PSG3: variants seen among roughly 807,000 people sequenced by gnomAD.
PSG3 encodes pregnancy specific beta-1-glycoprotein 3.
Under a neutral mutation model 47.5 loss-of-function variants are expected in PSG3, and 61 were observed. The ratio of observed to expected loss-of-function variants is 1.28; its 90% CI spans 1.05 to 1.59. PSG3 has a LOEUF of 1.59. Among genes scored for constraint, PSG3 ranks in the 40% most tolerant of loss-of-function variants. The pLI, the probability that PSG3 is intolerant of heterozygous loss-of-function variation, is 0.00. For missense variants in PSG3, 756 were observed against 524.0 expected (o/e 1.44, Z -4.32); for synonymous variants, 263 against 198.4 (o/e 1.33, Z -2.74).
rs188987120 is a variant in PSG3 at position 42,740,351 on chromosome 19, G to T, written c.34C>A (p.Arg12Ser). 8.1e-6 allele frequency: 13 copies of T among 1,613,846 alleles called. No individual in the cohort carries two copies. Among genetic ancestry groups the T allele is most frequent in the African/African-American group, 2.7e-5 (2 of 74,912 alleles). The change falls in exon 1 of 7, where the codon CGC becomes AGC. Residue 12 changes from arginine to serine, a missense_variant. By Grantham distance (110) the Arg-to-Ser change is moderately radical. Transcript: ENST00000327495. ...GPLSAPPCTQ[R>S]ITWKGLLLTA... Reference sequence around the variant, plus strand: ...AGCAGGAGCCCCTTCCAGGTGATGCGCTGTGTGCAGGGAGGGGCTGAGAGG... The same window carrying T: ...AGCAGGAGCCCCTTCCAGGTGATGCTCTGTGTGCAGGGAGGGGCTGAGAGG...
In PSG3 at chr19:42,736,921, T is replaced by A. The variant is rs188998275; in HGVS notation, c.430+1803A>T. On this transcript the variant is annotated intron_variant, in intron 2 of 6. Transcript: ENST00000327495. Reference sequence around the variant, plus strand: ...GCCACAGTGTTAGCGGGAAGGGAACTGAACAGTCAGCCTAGTTAGAGGGAG... The same window carrying A: ...GCCACAGTGTTAGCGGGAAGGGAACAGAACAGTCAGCCTAGTTAGAGGGAG... Among the ~76,000 whole-genome samples the A allele has an allele frequency of 1.3e-4, 20 of 152,184 alleles. No individual in the cohort carries two copies. The East Asian group carries it at 3.5e-3, about 26-fold the overall frequency.
At chr19:42,735,793 G>A (rs1410269142) in intron 2 of PSG3, among the ~76,000 whole-genome samples, 1 of 152,232 alleles carries the variant, frequency 6.6e-6, no homozygotes, top group African/African-American at 2.4e-5. Flanking sequence ...GAAGTGACCG[G>A]AGAATGTGAG....
chr19:42,735,085 C>T (rs747508249), intron 2 of PSG3, among the ~76,000 whole-genome samples: 3 of 152,236 alleles, frequency 2.0e-5, no homozygotes, highest in Non-Finnish European at 2.9e-5. Flanking sequence ...TAGCACCCAC[C>T]TGGCCACCTC....
rs1326425907 is a variant in PSG3 at position 42,732,816 on chromosome 19, C to A, written c.677G>T (p.Ser226Ile). The A allele has an allele frequency of 6.2e-7, 1 of 1,614,170 alleles. No homozygotes were observed. Among genetic ancestry groups the A allele is most frequent in the East Asian group, 2.2e-5 (1 of 44,886 alleles). ...ATTCAGGGTGACTGGGTCACTGCGG[C>A]TGGCACTCACTGGGTTCCGTATTTC... ...ECEIRNPVSASRSDPVTLNLL... is the reference protein window; with the variant it reads ...ECEIRNPVSAIRSDPVTLNLL... Residue 226 changes from serine to isoleucine, a missense_variant, in exon 3 of 7, where the codon AGC becomes ATC. Coordinates refer to ENST00000327495, the MANE Select transcript of PSG3 (RefSeq NM_021016.4).
chr19:42,731,350 C>A (rs113727323), intron 3 of PSG3, among the ~76,000 whole-genome samples: 9,577 of 152,208 alleles, frequency 0.063, 299 homozygotes, highest in Middle Eastern at 0.12. Flanking sequence ...CTTCAGTGAG[C>A]ATTTCTTTTC....
chr19:42,740,184 T>C, intron 1 of PSG3, 137 bp downstream of exon 1: 1 of 1,544,718 alleles, frequency 6.5e-7, no homozygotes, highest in Non-Finnish European at 8.8e-7. Flanking sequence ...GAACTCCTGA[T>C]CTCGTGATCC....
chr19:42,734,726 G>A lies in PSG3; in HGVS notation c.431-1664C>T, dbSNP rs138715621. ...CAACTCCTTAAGTAGAGAGAGTCCCGTTAAAAGGACAGAACTGGTTAGTGT... is the reference window on the plus strand; with the variant it reads ...CAACTCCTTAAGTAGAGAGAGTCCCATTAAAAGGACAGAACTGGTTAGTGT... On this transcript the variant is annotated intron_variant, in intron 2 of 6. Transcript: ENST00000327495. 3.7e-3 allele frequency among the ~76,000 whole-genome samples: 571 copies of A among 152,288 alleles called. 6 individuals carry two copies. Among genetic ancestry groups the A allele is most frequent in the Admixed American group, 0.024 (370 of 15,298 alleles).
At chr19:42,723,695 T>C (rs1261156475) in intron 6 of PSG3, among the ~76,000 whole-genome samples, 3 of 152,240 alleles carry the variant, frequency 2.0e-5, no homozygotes, top group Non-Finnish European at 2.9e-5. Flanking sequence ...AATTGTGTTT[T>C]TCATTTGAAT....
In PSG3 at chr19:42,729,285, G is replaced by A; in HGVS notation, c.1081C>T (p.Pro361Ser). 6.2e-7 allele frequency: 1 copy of A among 1,614,142 alleles called. No homozygotes were observed. The highest frequency in any genetic ancestry group is 1.7e-5 in the Admixed American group (1 of 60,022). The change falls in exon 5 of 7, where the codon CCA becomes TCA. Residue 361 changes from proline (P) to serine (S), a missense_variant. Pro to Ser is a moderately conservative substitution (Grantham distance 74). Coordinates refer to ENST00000327495, the MANE Select transcript of PSG3 (RefSeq NM_021016.4). Reference protein sequence around the residue: ...YLSCFADSNPPAEYSWTINGK... With the variant: ...YLSCFADSNPSAEYSWTINGK... ...TTAATTGTCCAAGAATATTCTGCTG[G>A]TGGGTTAGAGTCCGCGAAGCAGGAC...
At chr19:42,732,762 C>G in intron 3 of PSG3, 22 bp downstream of exon 3, 1 of 1,614,150 alleles carries the variant, frequency 6.2e-7, no homozygotes, top group Admixed American at 1.7e-5. Flanking sequence ...GACTGGCTCA[C>G]AGAGGAACAG....
chr19:42,737,648 G>A lies in PSG3; in HGVS notation c.430+1076C>T, dbSNP rs1467376174. Among the ~76,000 whole-genome samples, 4 of 152,152 alleles carry A rather than the reference G, an allele frequency of 2.6e-5. No individual in the cohort carries two copies. The East Asian group carries it at 7.7e-4, about 29-fold the overall frequency. On this transcript the variant is annotated intron_variant, in intron 2 of 6. Transcript: ENST00000327495. ...TGAGGTTTGGATGCCTAAGAAGAGA[G>A]GATTTGAGCCAATAAATGACTATAG...
chr19:42,733,230 G>C (rs1218746345), intron 2 of PSG3, among the ~76,000 whole-genome samples, 168 bp from the exon 3 acceptor site: 1 of 152,100 alleles, frequency 6.6e-6, no homozygotes, highest in African/African-American at 2.4e-5. Flanking sequence ...TGAGGGCTCA[G>C]AGATTGTGAG....
intron 5 of PSG3, among the ~76,000 whole-genome samples, chr19:42,726,097 T>C (rs1253988964): frequency 6.6e-6 from 1 of 152,018 alleles, no homozygotes; most frequent in Non-Finnish European, 1.5e-5. Context: ...TTGATGAAAT[T>C]CAATATTTTT....
At chr19:42,731,739 T>C (rs1412107269) in intron 3 of PSG3, among the ~76,000 whole-genome samples, 1 of 151,740 alleles carries the variant, frequency 6.6e-6, no homozygotes, top group Non-Finnish European at 1.5e-5. Flanking sequence ...ACAATATTGA[T>C]TCCTCCAATC....
At chr19:42,739,784 T>C (rs1969637650) in intron 1 of PSG3, among the ~76,000 whole-genome samples, 1 of 152,350 alleles carries the variant, frequency 6.6e-6, no homozygotes, top group Admixed American at 6.5e-5. Context: ...TTTTTCAAAA[T>C]GTGGTGGCCC....
Position 42,729,333 on chromosome 19 carries a change from G to T in PSG3, c.1033C>A (p.His345Asn). ...PRIYPSFTYY[H>N]SGENLYLSCF... ...GACAAGTAGAGGTTTTCTCCTGAAT[G>T]GTAATAGGTGAATGAAGGGTAAATT... Residue 345 changes from histidine (H) to asparagine (N), a missense_variant, in exon 5 of 7, where the codon CAT (histidine) becomes AAT (asparagine). His to Asn is a moderately conservative substitution (Grantham distance 68, BLOSUM62 1). Transcript: ENST00000327495. 1 of 1,614,126 alleles carries T rather than the reference G, an allele frequency of 6.2e-7. No individual in the cohort carries two copies. Among genetic ancestry groups the T allele is most frequent in the Non-Finnish European group, 8.5e-7 (1 of 1,179,976 alleles).
chr19:42,729,209 G>C lies in PSG3; in HGVS notation c.1157C>G (p.Thr386Arg), dbSNP rs746493841. The C allele has an allele frequency of 6.2e-6, 10 of 1,613,894 alleles. No homozygotes were observed. The highest frequency in any genetic ancestry group is 1.1e-5 in the South Asian group (1 of 91,086). ...GCAAGCATAGAGCCCGCTATGCTTT[G>C]TAGTAATCTGGGGGATAAAGAGCTT... The part of the protein sequence containing the change: ...GQKLFIPQIT[T>R]KHSGLYACSV... The change falls in exon 5 of 7, where the codon ACA becomes AGA. Residue 386 changes from threonine (T) to arginine (R), a missense_variant. Physicochemically the swap from Thr to Arg is moderately conservative, Grantham distance 71 (BLOSUM62 -1). Coordinates refer to ENST00000327495, the MANE Select transcript of PSG3 (RefSeq NM_021016.4).
chr19:42,734,293 T>G (rs1034047534), intron 2 of PSG3: 3 of 152,228 alleles, frequency 2.0e-5, no homozygotes, highest in Admixed American at 2.0e-4. Flanking sequence ...TTACAGTACA[T>G]GTACTGGTTT....
At position 42,724,043 on chromosome 19, in the gene PSG3, G is replaced by T. The variant is rs770433054; in HGVS notation, c.1244-18C>A. 3.7e-6 allele frequency: 6 copies of T among 1,604,096 alleles called. No homozygotes were observed. Among genetic ancestry groups the T allele is most frequent in the Non-Finnish European group, 5.1e-6 (6 of 1,171,108 alleles). Reference sequence around the variant, plus strand: ...TGAAGGAGCTGTCATGGAAAAAAAAGAAAAGAAGGAATGAAGATGATGTTA... The same window carrying T: ...TGAAGGAGCTGTCATGGAAAAAAAATAAAAGAAGGAATGAAGATGATGTTA... On this transcript the variant is annotated intron_variant, in intron 5 of 6. Transcript: ENST00000327495.
Sources: allele counts gnomAD v4.1 joint callset (sites outside exome capture counted in the v4.1 genomes callset), GRCh38; gene constraint gnomAD v4.1.1; transcripts MANE v1.5; gene names NCBI Gene and HGNC (gene_info 2026-07-23, HGNC 2026-07-21).